ATP11A: variants seen among roughly 807,000 people sequenced by gnomAD.
The protein encoded by ATP11A is phospholipid-transporting ATPase IH.
In ATP11A, 81 loss-of-function variants were observed where a neutral mutation model predicts 154.4. The observed-to-expected ratio is 0.52, with a 90% CI of 0.44 to 0.63. The LOEUF (loss-of-function observed/expected upper bound fraction) is 0.63, where lower values mean the gene tolerates loss of function less well. Ranked by LOEUF, ATP11A falls within the 30% of genes least tolerant of loss-of-function variation. ATP11A has a pLI of 0.00. For missense variants in ATP11A, 1,316 were observed against 1,474.3 expected (o/e 0.89, Z 1.76); for synonymous variants, 623 against 585.9 (o/e 1.06, Z -0.91).
chr13:112,809,096 C>T lies in ATP11A; in HGVS notation c.334-1523C>T, dbSNP rs376489459. On this transcript the variant is annotated intron_variant, in intron 4 of 29. Transcript: ENST00000375645. Reference sequence around the variant, plus strand: ...CAGCAGCTCTGGGGACAAGGTCTTTCGTCTGTGGGCCCCTGGTGCCTGGCA... The same window carrying T: ...CAGCAGCTCTGGGGACAAGGTCTTTTGTCTGTGGGCCCCTGGTGCCTGGCA... 4.6e-4 allele frequency among the ~76,000 whole-genome samples: 70 copies of T among 152,308 alleles called. No homozygotes were observed. In the East Asian group the frequency reaches 0.01, roughly 22 times the overall value.
At chr13:112,821,891 G>A (rs1270003571) in intron 8 of ATP11A, among the ~76,000 whole-genome samples, 1 of 152,206 alleles carries the variant, frequency 6.6e-6, no homozygotes, top group Admixed American at 6.5e-5. Flanking sequence ...GAAGCTGACA[G>A]TCCTTATAAC....
intron 1 of ATP11A, among the ~76,000 whole-genome samples, chr13:112,741,581 C>A (rs1294213704): frequency 6.6e-6 from 1 of 152,298 alleles, no homozygotes; most frequent in South Asian, 2.1e-4. Context: ...CTGGGGCAGG[C>A]CATAGCCTCA....
intron 1 of ATP11A, among the ~76,000 whole-genome samples, chr13:112,772,386 C>T (rs2139952302): frequency 6.6e-6 from 1 of 152,298 alleles, no homozygotes; most frequent in South Asian, 2.1e-4. Context: ...CAGTGCTCAG[C>T]CTGTCGCGAG....
At chr13:112,862,814 C>G (rs1206299277) in intron 25 of ATP11A, among the ~76,000 whole-genome samples, 1 of 145,906 alleles carries the variant, frequency 6.9e-6, no homozygotes, top group African/African-American at 2.7e-5. Flanking sequence ...TCACCACCTG[C>G]GCAGTAATTC....
intron 1 of ATP11A, among the ~76,000 whole-genome samples, chr13:112,755,257 C>T (rs1046391863): frequency 6.6e-5 from 10 of 152,198 alleles, no homozygotes; most frequent in African/African-American, 2.4e-4. Context: ...CTGTGGGCCT[C>T]TGCTTCACAG....
chr13:112,738,099 C>T (rs1204830496), intron 1 of ATP11A, among the ~76,000 whole-genome samples: 3 of 152,192 alleles, frequency 2.0e-5, no homozygotes, highest in African/African-American at 4.8e-5. Context: ...GGGCTGGGCA[C>T]AGTGGCTTAT....
chr13:112,764,533 C>A (rs1566445827), intron 1 of ATP11A, among the ~76,000 whole-genome samples: 1 of 152,144 alleles, frequency 6.6e-6, no homozygotes, highest in East Asian at 1.9e-4. Context: ...TGGGCTGGGC[C>A]CCCACCCTGC....
At chr13:112,876,704 ATG>A (rs913230913) in intron 28 of ATP11A, among the ~76,000 whole-genome samples, 1 of 152,240 alleles carries the variant, frequency 6.6e-6, no homozygotes, top group Non-Finnish European at 1.5e-5. Context: ...CAATGGGGAA[ATG>A]AGGGGTGGGG....
At chr13:112,869,572 T>G (rs2080446947) in intron 25 of ATP11A, among the ~76,000 whole-genome samples, 1 of 152,212 alleles carries the variant, frequency 6.6e-6, no homozygotes, top group African/African-American at 2.4e-5. Context: ...ATCTAACTCT[T>G]TCAGAGTTCT....
chr13:112,750,877 G>A lies in ATP11A; in HGVS notation c.40-34258G>A, dbSNP rs572163753. ...TTGTTATGATAATTACCGTCATCATGATATTTTTATTTATCATTATCCTCT... is the reference window on the plus strand; with the variant it reads ...TTGTTATGATAATTACCGTCATCATAATATTTTTATTTATCATTATCCTCT... On this transcript the variant is annotated intron_variant, in intron 1 of 29. Coordinates refer to ENST00000375645, the MANE Select transcript of ATP11A (RefSeq NM_015205.3). Among the ~76,000 whole-genome samples, 4 of 152,304 alleles carry A rather than the reference G, an allele frequency of 2.6e-5. No homozygotes were observed. The South Asian group carries it at 8.3e-4, about 32-fold the overall frequency.
intron 29 of ATP11A, chr13:112,881,156 G>A: frequency 3.1e-6 from 3 of 980,172 alleles, no homozygotes; most frequent in Non-Finnish European, 3.6e-6. Context: ...GCTGCCCCCT[G>A]GTCTAAAAGT....
At chr13:112,741,009 G>A (rs1015515464) in intron 1 of ATP11A, among the ~76,000 whole-genome samples, 2 of 152,234 alleles carry the variant, frequency 1.3e-5, no homozygotes, top group Non-Finnish European at 2.9e-5. Flanking sequence ...AAACAAGCAA[G>A]GCACAGCACG....
chr13:112,734,872 A>G (rs1179355429), intron 1 of ATP11A, among the ~76,000 whole-genome samples: 2 of 152,096 alleles, frequency 1.3e-5, no homozygotes, highest in African/African-American at 4.8e-5. Context: ...CCACGCCCCC[A>G]TTTCCAGCAG....
At chr13:112,815,321 C>T (rs9577844) in intron 5 of ATP11A, among the ~76,000 whole-genome samples, 42,417 of 150,538 alleles carry the variant, frequency 0.28, 6,139 homozygotes, top group Middle Eastern at 0.33. Context: ...TCCAGATCTG[C>T]GATACCTTCC....
chr13:112,741,268 C>T (rs578001585), intron 1 of ATP11A, among the ~76,000 whole-genome samples: 16 of 139,712 alleles, frequency 1.1e-4, no homozygotes, highest in African/African-American at 3.3e-4. Context: ...GAAGGTGGCC[C>T]GGTCCCTGCG....
intron 1 of ATP11A, among the ~76,000 whole-genome samples, chr13:112,741,253 G>A (rs1406998479): frequency 6.6e-6 from 1 of 151,028 alleles, no homozygotes; most frequent in Non-Finnish European, 1.5e-5. Flanking sequence ...CACACTGGGG[G>A]TGGAGAAGGT....
Position 112,782,901 on chromosome 13 carries a change from G to A in ATP11A, c.40-2234G>A, listed in dbSNP as rs188702479. Among the ~76,000 whole-genome samples, 9 of 152,338 alleles carry A rather than the reference G, an allele frequency of 5.9e-5. No homozygotes were observed. The East Asian group carries it at 1.7e-3, about 29-fold the overall frequency. On this transcript the variant is annotated intron_variant, in intron 1 of 29. Transcript: ENST00000375645. ...CCCTGGCCTGGTGGCTGCCTTGTAC[G>A]TCTGTCCCCAGGAGCATGGAAGCCT...
intron 1 of ATP11A, among the ~76,000 whole-genome samples, chr13:112,773,831 G>A (rs1192780420): frequency 3.3e-5 from 5 of 152,210 alleles, no homozygotes; most frequent in Non-Finnish European, 5.9e-5. Context: ...ACGGGGTGTG[G>A]AGAGGTGCAC....
At chr13:112,741,980 T>C (rs379610) in intron 1 of ATP11A, among the ~76,000 whole-genome samples, 1 of 150,976 alleles carries the variant, frequency 6.6e-6, no homozygotes, top group African/African-American at 2.4e-5. Context: ...GAAGAGTGGT[T>C]CCCCCACCAC....
Sources: allele counts gnomAD v4.1 joint callset (sites outside exome capture counted in the v4.1 genomes callset), GRCh38; gene constraint gnomAD v4.1.1; transcripts MANE v1.5; gene names NCBI Gene and HGNC (gene_info 2026-07-23, HGNC 2026-07-21).